SUGCT: variants seen among roughly 807,000 people sequenced by gnomAD.
The protein encoded by SUGCT is succinyl-CoA:glutarate-CoA transferase, also known as succinyl-CoA:glutarate CoA-transferase.
SUGCT carries 41 observed loss-of-function variants against 55.0 expected under a neutral mutation model. The ratio of observed to expected loss-of-function variants is 0.74; its 90% CI spans 0.58 to 0.97. SUGCT has a LOEUF of 0.97. SUGCT is among the 50% of genes least tolerant of loss of function. The pLI is 0.00. For synonymous variants in SUGCT, 187 were observed against 200.4 expected, an observed-to-expected ratio of 0.93 and a Z score of 0.56; for missense variants, 568 against 547.8, an observed-to-expected ratio of 1.04 and a Z score of -0.37.
chr7:40,911,851 G>T, the SUGCT span, among the ~76,000 whole-genome samples: 1 of 152,296 alleles, frequency 6.6e-6, no homozygotes, highest in Admixed American at 6.5e-5. Flanking sequence ...CATGCTGAAG[G>T]AATTGTAGTA....
intron 13 of SUGCT, among the ~76,000 whole-genome samples, chr7:40,797,590 A>T (rs1790609415): frequency 6.6e-6 from 1 of 152,036 alleles, no homozygotes; most frequent in African/African-American, 2.4e-5. Flanking sequence ...CTCCATTCCT[A>T]CATTTTCTAT....
chr7:40,334,744 C>A (rs1796579894), intron 9 of SUGCT, among the ~76,000 whole-genome samples: 1 of 152,226 alleles, frequency 6.6e-6, no homozygotes, highest in African/African-American at 2.4e-5. Context: ...TGCGCGGAAG[C>A]TCTTTTGTTT....
rs200374763 is a variant in SUGCT at position 40,840,473 on chromosome 7, CA to C, written c.1154-19830del. 2.4e-3 allele frequency among the ~76,000 whole-genome samples: 304 copies of C among 124,870 alleles called. 1 individual carries two copies. Among genetic ancestry groups the C allele is most frequent in the Middle Eastern group, 8.5e-3 (2 of 236 alleles). 81.9% of individuals were successfully genotyped at this position (124,870 alleles called of 152,430 possible). A position where few individuals can be genotyped will look rare whatever the true frequency, so the allele number is the denominator to read the frequency against. ...AATGATGCGTAGGTTGAGGAAGACT[CA>C]AAAAAAAAAAAAGAAAAAACATTCA... On this transcript the variant is annotated intron_variant, in intron 13 of 13. Transcript: ENST00000335693.
intron 8 of SUGCT, among the ~76,000 whole-genome samples, chr7:40,313,016 A>G (rs1473730518): frequency 6.6e-6 from 1 of 152,140 alleles, no homozygotes. Context: ...CTGCTTTGAG[A>G]GATAATTGGG....
chr7:41,038,159 G>T, the SUGCT span, among the ~76,000 whole-genome samples: 880 of 152,272 alleles, frequency 5.8e-3, 8 homozygotes, highest in African/African-American at 0.02. Context: ...GCCCGGAGCT[G>T]GGACAGGTGG....
intron 13 of SUGCT, among the ~76,000 whole-genome samples, chr7:40,817,441 T>C (rs541450734): frequency 6.6e-6 from 1 of 152,234 alleles, no homozygotes; most frequent in East Asian, 1.9e-4. Context: ...AGAAGTTAAA[T>C]CATGGAGTAA....
At chr7:40,183,385 G>A (rs981528901) in intron 3 of SUGCT, among the ~76,000 whole-genome samples, 1 of 152,116 alleles carries the variant, frequency 6.6e-6, no homozygotes, top group African/African-American at 2.4e-5. Context: ...TGTCATCCAG[G>A]CTGGAGTACA....
intron 9 of SUGCT, among the ~76,000 whole-genome samples, chr7:40,331,283 C>G (rs767433507): frequency 6.6e-6 from 1 of 152,154 alleles, no homozygotes; most frequent in African/African-American, 2.4e-5. Flanking sequence ...CACACCCATC[C>G]TCTTTACTGC....
chr7:40,194,311 G>T (rs1786113775), intron 5 of SUGCT, among the ~76,000 whole-genome samples: 1 of 152,146 alleles, frequency 6.6e-6, no homozygotes, highest in South Asian at 2.1e-4. Flanking sequence ...TCCCAGGCTG[G>T]AGTGCAGTGG....
intron 9 of SUGCT, among the ~76,000 whole-genome samples, chr7:40,414,430 C>T (rs568326733): frequency 1.2e-4 from 18 of 152,186 alleles, no homozygotes; most frequent in Middle Eastern, 3.4e-3. Context: ...GTGCTGTTTG[C>T]GGTTTCAGGC....
the SUGCT span, among the ~76,000 whole-genome samples, chr7:40,905,053 A>G: frequency 2.0e-5 from 3 of 152,314 alleles, no homozygotes; most frequent in South Asian, 2.1e-4. Context: ...GAGATGTTCA[A>G]TTCTGAAGAA....
chr7:41,026,942 G>A, the SUGCT span, among the ~76,000 whole-genome samples: 2 of 152,138 alleles, frequency 1.3e-5, no homozygotes, highest in Non-Finnish European at 2.9e-5. Flanking sequence ...TGAGGCAGGA[G>A]AATTGCTTGA....
intron 9 of SUGCT, among the ~76,000 whole-genome samples, chr7:40,415,447 ACT>A (rs934794345): frequency 1.7e-4 from 25 of 148,520 alleles, no homozygotes; most frequent in African/African-American, 5.7e-4. Context: ...ATATGTAGAA[ACT>A]CTTTTTAAAA....
chr7:40,666,987 C>A (rs745580880), intron 12 of SUGCT, among the ~76,000 whole-genome samples: 2 of 151,394 alleles, frequency 1.3e-5, no homozygotes, highest in South Asian at 4.2e-4. Flanking sequence ...TGGGGTTGCA[C>A]GCCTGTGATC....
chr7:40,785,025 G>C (rs138741394), intron 13 of SUGCT, among the ~76,000 whole-genome samples: 2 of 152,120 alleles, frequency 1.3e-5, no homozygotes, highest in Non-Finnish European at 2.9e-5. Context: ...AGTTTTACCT[G>C]GTCAAAACTG....
chr7:40,623,513 C>G (rs1004079266), intron 12 of SUGCT, among the ~76,000 whole-genome samples: 4 of 152,034 alleles, frequency 2.6e-5, no homozygotes, highest in Non-Finnish European at 5.9e-5. Context: ...TCATTTTATA[C>G]TCCCTCTTCT....
intron 12 of SUGCT, among the ~76,000 whole-genome samples, chr7:40,504,196 G>A (rs1792458341): frequency 6.6e-6 from 1 of 152,188 alleles, no homozygotes; most frequent in South Asian, 2.1e-4. Flanking sequence ...TAAGGAAAAT[G>A]TATTTTCTAC....
intron 7 of SUGCT, among the ~76,000 whole-genome samples, chr7:40,255,251 T>G (rs1290868265): frequency 6.8e-6 from 1 of 146,436 alleles, no homozygotes; most frequent in Non-Finnish European, 1.5e-5. Context: ...AAAAGAATCC[T>G]GGAAAGGATA....
At chr7:40,933,453 G>A in the SUGCT span, among the ~76,000 whole-genome samples, 1 of 152,114 alleles carries the variant, frequency 6.6e-6, no homozygotes, top group Non-Finnish European at 1.5e-5. Flanking sequence ...GGCATTCTCT[G>A]TATTTCCTGA....
Sources: gnomAD v4.1 joint callset for allele counts (sites outside exome capture counted in the v4.1 genomes callset) on GRCh38, gnomAD v4.1.1 for gene constraint, MANE v1.5 for transcripts, NCBI Gene and HGNC (gene_info 2026-07-23, HGNC 2026-07-21) for gene names.